Variants in PTK2 observed in about 807,000 individuals in gnomAD.
The protein encoded by PTK2 is protein tyrosine kinase 2.
PTK2 carries 45 observed loss-of-function variants against 150.1 expected under a neutral mutation model. The ratio of observed to expected loss-of-function variants is 0.30; its 90% CI spans 0.24 to 0.38. The LOEUF is 0.38. Among genes scored for constraint, PTK2 ranks in the 10% least tolerant of loss-of-function variants. The pLI is 1.00. For synonymous variants in PTK2, 432 were observed against 449.2 expected, an observed-to-expected ratio of 0.96 and a Z score of 0.48; for missense variants, 919 against 1,307.3, an observed-to-expected ratio of 0.70 and a Z score of 4.58.
intron 2 of PTK2, among the ~76,000 whole-genome samples, chr8:140,920,538 GA>G (rs1163073410): frequency 1.3e-5 from 2 of 151,920 alleles, no homozygotes; most frequent in African/African-American, 2.4e-5. Flanking sequence ...TGTCTTAAAA[GA>G]AAAAAATAAA....
intron 25 of PTK2, 59 bp downstream of exon 28, chr8:140,702,511 T>C (rs2100031215): frequency 1.3e-6 from 2 of 1,579,898 alleles, no homozygotes; most frequent in South Asian, 2.3e-5. Flanking sequence ...TAAGCCACCA[T>C]GCCCAGCTTT....
At chr8:140,855,968 T>A (rs774516478) in intron 5 of PTK2, among the ~76,000 whole-genome samples, 17 of 151,998 alleles carry the variant, frequency 1.1e-4, no homozygotes, top group Admixed American at 1.1e-3. Flanking sequence ...TTAAAAAAAA[T>A]TGGGAAGAAA....
chr8:140,659,387 A>G (rs1252710137), exon 32 of PTK2: 93 of 1,304,040 alleles, frequency 7.1e-5, no homozygotes, highest in Admixed American at 4.2e-4. Flanking sequence ...CTGAGGACAC[A>G]GGGTTAATTC....
chr8:140,682,015 C>G (rs1276188360), intron 27 of PTK2, among the ~76,000 whole-genome samples: 1 of 152,120 alleles, frequency 6.6e-6, no homozygotes, highest in South Asian at 2.1e-4. Flanking sequence ...TAATCATAAG[C>G]TAGTTCTTTA....
At chr8:140,806,688 C>T (rs1158744473) in intron 10 of PTK2, among the ~76,000 whole-genome samples, 1 of 152,142 alleles carries the variant, frequency 6.6e-6, no homozygotes, top group Non-Finnish European at 1.5e-5. Flanking sequence ...GTTCTCCCTC[C>T]AATTAAAAGT....
At chr8:140,668,939 T>C (rs2093992199) in intron 29 of PTK2, 1 of 155,184 alleles carries the variant, frequency 6.4e-6, no homozygotes, top group African/African-American at 2.4e-5. Flanking sequence ...AAAGCTGACA[T>C]ATGAATGCAC....
At chr8:140,897,350 C>T (rs1193788424) in intron 2 of PTK2, among the ~76,000 whole-genome samples, 1 of 151,992 alleles carries the variant, frequency 6.6e-6, no homozygotes, top group Non-Finnish European at 1.5e-5. Flanking sequence ...TTGCTCCTAT[C>T]CTTTCAGAAC....
At chr8:140,783,739 C>T (rs2154570791) in intron 14 of PTK2, among the ~76,000 whole-genome samples, 1 of 152,196 alleles carries the variant, frequency 6.6e-6, no homozygotes, top group East Asian at 1.9e-4. Flanking sequence ...GAATAATTTC[C>T]AGTCACTAAC....
intron 12 of PTK2, among the ~76,000 whole-genome samples, chr8:140,794,797 T>C (rs1288975285): frequency 6.6e-6 from 1 of 152,162 alleles, no homozygotes; most frequent in African/African-American, 2.4e-5. Flanking sequence ...TCATACAGTT[T>C]CAAAGCGTCA....
At chr8:140,830,054 T>C (rs551950622) in intron 8 of PTK2, among the ~76,000 whole-genome samples, 5 of 149,306 alleles carry the variant, frequency 3.3e-5, no homozygotes, top group Non-Finnish European at 7.4e-5. Context: ...AGACAGACCT[T>C]CAAAATGCAC....
intron 14 of PTK2, chr8:140,764,907 A>G (rs938045783): frequency 1.3e-5 from 2 of 152,308 alleles, no homozygotes; most frequent in African/African-American, 4.8e-5. Flanking sequence ...AAAAAGGAGA[A>G]TAAGCAGCAT....
At chr8:140,799,577 G>A (rs2100093742) in intron 12 of PTK2, among the ~76,000 whole-genome samples, 1 of 152,204 alleles carries the variant, frequency 6.6e-6, no homozygotes, top group African/African-American at 2.4e-5. Context: ...GTATCTCAAA[G>A]TCTAGGCTGA....
At chr8:140,922,745 T>TA (rs1447429963) in intron 2 of PTK2, among the ~76,000 whole-genome samples, 12 of 152,292 alleles carry the variant, frequency 7.9e-5, no homozygotes, top group African/African-American at 2.9e-4. Flanking sequence ...ACAATTCTTT[T>TA]AAAAATGAGA....
At chr8:140,686,512 TATAGA>T in intron 27 of PTK2, 115 bp downstream of exon 30, 4 of 837,262 alleles carry the variant, frequency 4.8e-6, no homozygotes, top group South Asian at 4.8e-5. Flanking sequence ...ATGTTAACTT[TATAGA>T]ATATTCTGTT....
rs541872280 is a variant in PTK2, at chr8:140,762,866, G to A, written c.1234+1368C>T. ...TGCAATCAGGGCTCACTGCAGCCTC[G>A]ACCTCACAGGCTCAAACAATCCTCA... is the stretch of plus-strand genomic sequence containing the variant. On this transcript the variant is annotated intron_variant, in intron 15 of 31. Transcript: ENST00000522684. 2.0e-3 allele frequency among the ~76,000 whole-genome samples: 310 copies of A among 151,914 alleles called. 1 individual carries two copies. Among genetic ancestry groups the A allele is most frequent in the South Asian group, 9.3e-3 (45 of 4,816 alleles).
intron 1 of PTK2, among the ~76,000 whole-genome samples, chr8:140,977,261 G>A (rs1408977292): frequency 6.6e-6 from 1 of 152,080 alleles, no homozygotes; most frequent in Admixed American, 6.5e-5. Context: ...GTGGTAATGT[G>A]TACACCTGCT....
At chr8:140,887,991 A>G (rs941614359) in intron 3 of PTK2, among the ~76,000 whole-genome samples, 3 of 152,210 alleles carry the variant, frequency 2.0e-5, no homozygotes, top group African/African-American at 7.2e-5. Context: ...AATAAGCCGT[A>G]TCATTTCAGA....
At chr8:140,664,319 T>G (rs1450565998) in intron 31 of PTK2, among the ~76,000 whole-genome samples, 6 of 152,184 alleles carry the variant, frequency 3.9e-5, no homozygotes, top group Admixed American at 3.9e-4. Context: ...TTATTAATTT[T>G]TTGGTAGAGA....
At chr8:140,688,389 T>C (rs1175097573) in intron 26 of PTK2, among the ~76,000 whole-genome samples, 2 of 151,974 alleles carry the variant, frequency 1.3e-5, no homozygotes, top group Non-Finnish European at 2.9e-5. Context: ...TTAAAAGCAA[T>C]AGTTAAATAT....
Sources: gnomAD v4.1 joint callset for allele counts (sites outside exome capture counted in the v4.1 genomes callset) on GRCh38, gnomAD v4.1.1 for gene constraint, MANE v1.5 for transcripts, NCBI Gene and HGNC (gene_info 2026-07-23, HGNC 2026-07-21) for gene names.